The following LIAS variants were observed in gnomAD, a reference collection of about 807,000 sequenced individuals.
LIAS encodes the protein lipoic acid synthetase, also known as lipoyl synthase, mitochondrial.
Under a neutral mutation model 49.4 loss-of-function variants are expected in LIAS, and 36 were observed. That is an observed-to-expected ratio of 0.73 (90% CI 0.56 to 0.96). The LOEUF (loss-of-function observed/expected upper bound fraction) is 0.96, where lower values mean the gene tolerates loss of function less well. LIAS is among the 40% of genes least tolerant of loss of function. LIAS has a pLI of 0.00. For synonymous variants in LIAS, 145 were observed against 155.8 expected, an observed-to-expected ratio of 0.93 and a Z score of 0.52; for missense variants, 399 against 456.3, an observed-to-expected ratio of 0.87 and a Z score of 1.14.
In LIAS at chr4:39,477,125, A is replaced by G; in HGVS notation, c.*10A>G. 6.3e-7 allele frequency: 1 copy of G among 1,588,050 alleles called. No homozygotes were observed. The highest frequency in any genetic ancestry group is 1.2e-5 in the South Asian group (1 of 86,106). On this transcript the variant is annotated 3_prime_UTR_variant, in exon 11 of 11. Coordinates refer to ENST00000640888, the MANE Select transcript of LIAS (RefSeq NM_006859.4). ...AACAAAAGACCTCTAAAACTTCAAC[A>G]AGACCTTCAAGATCACAGAAATTTT...
At chr4:39,473,824 T>C (rs1195069356) in intron 10 of LIAS, 1 of 152,228 alleles carries the variant, frequency 6.6e-6, no homozygotes. Flanking sequence ...AATTGATTTA[T>C]GAAAAGAAAA....
intron 3 of LIAS, among the ~76,000 whole-genome samples, chr4:39,462,653 C>T (rs1473898041): frequency 6.6e-6 from 1 of 152,148 alleles, no homozygotes; most frequent in Non-Finnish European, 1.5e-5. Context: ...TTTATTTGCA[C>T]ATATGAAGTA....
Position 39,465,208 on chromosome 4 carries a change from T to C in LIAS, c.550+6T>C, listed in dbSNP as rs755764602. The C allele has an allele frequency of 3.1e-6, 5 of 1,613,280 alleles. No individual in the cohort carries two copies. Among genetic ancestry groups the C allele is most frequent in the Non-Finnish European group, 4.2e-6 (5 of 1,179,422 alleles). The stretch of plus-strand genomic sequence containing the variant: ...GACATCTGTGGATCGAGATGGTTAG[T>C]GTGTCATCATGGCCTCTACCAGAAA... On this transcript the variant is annotated splice_donor_region_variant and intron_variant, in intron 5 of 10. Transcript: ENST00000640888.
chr4:39,474,897 C>G (rs1415426321), intron 10 of LIAS: 1 of 151,884 alleles, frequency 6.6e-6, no homozygotes, highest in Non-Finnish European at 1.5e-5. Flanking sequence ...ACCCGGCTGA[C>G]CTTGTCTCTT....
chr4:39,462,855 C>T (rs977904282), intron 3 of LIAS, among the ~76,000 whole-genome samples: 22 of 152,138 alleles, frequency 1.4e-4, no homozygotes, highest in Admixed American at 3.9e-4. Flanking sequence ...GGCGTGGTGG[C>T]GTGAGCCTGT....
chr4:39,467,681 G>A (rs201050939), intron 7 of LIAS, 35 bp downstream of exon 7: 15 of 1,476,232 alleles, frequency 1.0e-5, no homozygotes, highest in African/African-American at 1.4e-5. Flanking sequence ...TGGGAAGTTA[G>A]GCGGGTCAAA....
intron 4 of LIAS, 128 bp downstream of exon 4, chr4:39,463,733 A>C: frequency 1.5e-6 from 2 of 1,356,288 alleles, no homozygotes; most frequent in South Asian, 1.9e-5. Context: ...TTTATGAAAA[A>C]TATTAAGAAA....
chr4:39,477,180 T>C lies in LIAS; in HGVS notation c.*65T>C. On this transcript the variant is annotated 3_prime_UTR_variant, in exon 11 of 11. Coordinates refer to ENST00000640888, the MANE Select transcript of LIAS (RefSeq NM_006859.4). Reference sequence around the variant, plus strand: ...ATTTGATTCCAGTTAATAACAGAGGTGGTGCCAGAATGCCTGGACTGCAGT... The same window carrying C: ...ATTTGATTCCAGTTAATAACAGAGGCGGTGCCAGAATGCCTGGACTGCAGT... The C allele has an allele frequency of 7.8e-7, 1 of 1,289,486 alleles. No individual in the cohort carries two copies. The highest frequency in any genetic ancestry group is 1.1e-6 in the Non-Finnish European group (1 of 907,482). The allele number at this position is 1,289,486 out of a possible 1,614,324, so 79.9% of individuals were successfully genotyped here.
chr4:39,476,143 C>T (rs1745186379), intron 10 of LIAS: 1 of 152,078 alleles, frequency 6.6e-6, no homozygotes. Flanking sequence ...AAATTTCTAA[C>T]ATAAAAGGAA....
At chr4:39,473,844 A>G (rs988432520) in intron 10 of LIAS, 2 of 152,208 alleles carry the variant, frequency 1.3e-5, no homozygotes, top group African/African-American at 4.8e-5. Context: ...ATCATTTTCC[A>G]AGGGATAAAA....
At position 39,465,272 on chromosome 4, in the gene LIAS, C is replaced by T; in HGVS notation, c.551-13C>T. On this transcript the variant is annotated splice_polypyrimidine_tract_variant and intron_variant, in intron 5 of 10. Coordinates refer to ENST00000640888, the MANE Select transcript of LIAS (RefSeq NM_006859.4). The stretch of plus-strand genomic sequence containing the variant: ...ATGACATCATCCTGAGCAGTGGATT[C>T]TTTTGTTTCTAGATATGCCTGATGG... The T allele has an allele frequency of 1.2e-6, 2 of 1,612,626 alleles. No homozygotes were observed. Among genetic ancestry groups the T allele is most frequent in the Non-Finnish European group, 1.7e-6 (2 of 1,179,534 alleles).
intron 6 of LIAS, 125 bp downstream of exon 6, chr4:39,465,467 C>A: frequency 1.3e-6 from 1 of 799,902 alleles, no homozygotes; most frequent in South Asian, 1.9e-5. Context: ...TCTGATAATT[C>A]ACTGGAAATT....
Position 39,476,351 on chromosome 4 carries a change from G to C in LIAS, c.1067-712G>C, listed in dbSNP as rs540429022. 5 of 152,300 alleles carry C rather than the reference G, an allele frequency of 3.3e-5. No individual in the cohort carries two copies. The South Asian group carries it at 1.0e-3, about 32-fold the overall frequency. 9.4% of individuals were successfully genotyped at this position (152,300 alleles called of 1,614,324 possible). ...TTGGGATTTGCAGAGATTATATGTA[G>C]ATAGACTCATCACAGTTCTACTCAT... On this transcript the variant is annotated intron_variant, in intron 10 of 10. Transcript: ENST00000640888.
intron 9 of LIAS, among the ~76,000 whole-genome samples, chr4:39,471,517 A>ATTTTTTTTTTT (rs766866733): frequency 2.7e-5 from 2 of 74,320 alleles, no homozygotes; most frequent in African/African-American, 4.8e-5. Context: ...CATATATATA[A>ATTTTTTTTTTT]TTTTTTTTTT....
intron 6 of LIAS, chr4:39,466,905 C>T (rs1232273155): frequency 6.6e-6 from 1 of 152,098 alleles, no homozygotes; most frequent in African/African-American, 2.4e-5. Context: ...CTCTGTGACC[C>T]AGTTCACATT....
intron 8 of LIAS, 124 bp from the exon 9 acceptor site, chr4:39,471,112 C>A: frequency 3.0e-6 from 2 of 673,432 alleles, no homozygotes; most frequent in Admixed American, 4.9e-5. Context: ...TTGTCTTATT[C>A]CCCAACATGA....
intron 10 of LIAS, 166 bp downstream of exon 10, chr4:39,473,377 T>A: frequency 4.3e-6 from 2 of 464,878 alleles, no homozygotes; most frequent in South Asian, 4.7e-5. Flanking sequence ...TCCATGGGGA[T>A]CATATTAAGA....
Position 39,462,305 on chromosome 4 carries a change from G to A in LIAS, c.312+16G>A, listed in dbSNP as rs778411317. 1 of 1,298,388 alleles carries A rather than the reference G, an allele frequency of 7.7e-7. No homozygotes were observed. Among genetic ancestry groups the A allele is most frequent in the Admixed American group, 2.1e-5 (1 of 47,308 alleles). The allele number at this position is 1,298,388 out of a possible 1,614,324, so 80.4% of individuals were successfully genotyped here. A position where few individuals can be genotyped will look rare whatever the true frequency, so the allele number is the denominator to read the frequency against. On this transcript the variant is annotated intron_variant, in intron 3 of 10. Coordinates refer to ENST00000640888, the MANE Select transcript of LIAS (RefSeq NM_006859.4). Reference sequence around the variant, plus strand: ...TCTCCATACAGTAAGTTGTCAAAGTGTAAACTATCCCTCTTCACCAAAAGC... The same window carrying A: ...TCTCCATACAGTAAGTTGTCAAAGTATAAACTATCCCTCTTCACCAAAAGC...
chr4:39,471,433 A>T, intron 9 of LIAS, 127 bp downstream of exon 9: 2 of 639,470 alleles, frequency 3.1e-6, no homozygotes, highest in Admixed American at 2.8e-5. Context: ...TCCTGGGTTC[A>T]GGTGATTCTC....
Sources: allele counts gnomAD v4.1 joint callset (sites outside exome capture counted in the v4.1 genomes callset), GRCh38; gene constraint gnomAD v4.1.1; transcripts MANE v1.5; gene names NCBI Gene and HGNC (gene_info 2026-07-23, HGNC 2026-07-21).